The following PDE4A variants were observed in gnomAD, a reference collection of about 807,000 sequenced individuals.
The protein encoded by PDE4A is 3',5'-cyclic-AMP phosphodiesterase 4A.
PDE4A carries 21 observed loss-of-function variants against 73.9 expected under a neutral mutation model. That is an observed-to-expected ratio of 0.28 (90% CI 0.20 to 0.41). The LOEUF (loss-of-function observed/expected upper bound fraction) is 0.41, where lower values mean the gene tolerates loss of function less well. PDE4A is among the 10% of genes least tolerant of loss of function. The pLI, the probability that PDE4A is intolerant of heterozygous loss-of-function variation, is 1.00. For missense variants in PDE4A, 958 were observed against 1,211.4 expected, an observed-to-expected ratio of 0.79 and a Z score of 3.10; for synonymous variants, 463 against 505.4, an observed-to-expected ratio of 0.92 and a Z score of 1.13.
At chr19:10,465,250 CCTT>C (rs2043346285) in intron 14 of PDE4A, among the ~76,000 whole-genome samples, 1 of 148,912 alleles carries the variant, frequency 6.7e-6, no homozygotes, top group African/African-American at 2.5e-5. Flanking sequence ...GACAGAGTTT[CCTT>C]CTTGTCACCC....
chr19:10,457,920 G>A lies in PDE4A; in HGVS notation c.919G>A (p.Glu307Lys), dbSNP rs199600136. The change falls in exon 8 of 15, where the codon GAA becomes AAA. Residue 307 changes from glutamate (E) to lysine (K), a missense_variant. Transcript: ENST00000380702. ...GGAGATCCCATCACCCACGATGAAG[G>A]AACGAGAAAAACAGCAAGCGCCGCG... ...EVEIPSPTMKEREKQQAPRPR... is the reference protein window; with the variant it reads ...EVEIPSPTMKKREKQQAPRPR... The A allele has an allele frequency of 1.7e-5, 28 of 1,612,570 alleles. No homozygotes were observed. The highest frequency in any genetic ancestry group is 2.4e-5 in the Non-Finnish European group (28 of 1,180,022).
At chr19:10,416,833 A>G, upstream of PDE4A, 1 of 1,531,380 alleles carries the variant, frequency 6.5e-7, no homozygotes, top group Non-Finnish European at 8.7e-7. Flanking sequence ...CCCGACCGGC[A>G]GGGGGAGCCC....
At position 10,467,151 on chromosome 19, in the gene PDE4A, C is replaced by T; in HGVS notation, c.2191C>T (p.Gln731Ter). ...ISMAQIPCTA[Q>*]EALTAQGLSG... is the part of the protein sequence containing the mutation. Reference sequence around the variant, plus strand: ...AATGGCCCAGATACCGTGCACAGCCCAAGAGGCATTGACTGCGCAGGGATT... The same window carrying T: ...AATGGCCCAGATACCGTGCACAGCCTAAGAGGCATTGACTGCGCAGGGATT... The change falls in exon 15 of 15, where the codon CAA (glutamine) becomes TAA (stop). Residue 731 changes from glutamine to a stop codon, truncating the protein, a stop_gained. Transcript: ENST00000380702. LOFTEE classifies it low-confidence loss of function (END_TRUNC). 1 of 1,614,160 alleles carries T rather than the reference C, an allele frequency of 6.2e-7. No homozygotes were observed. The highest frequency in any genetic ancestry group is 8.5e-7 in the Non-Finnish European group (1 of 1,180,030).
At chr19:10,444,858 A>C (rs544056378) in intron 1 of PDE4A, among the ~76,000 whole-genome samples, 450 of 152,102 alleles carry the variant, frequency 3.0e-3, no homozygotes, top group Non-Finnish European at 4.4e-3. Flanking sequence ...TTTTTATTAG[A>C]GATGGGGTTT....
At chr19:10,433,338 C>T (rs1015593539) in intron 1 of PDE4A, among the ~76,000 whole-genome samples, 3 of 152,146 alleles carry the variant, frequency 2.0e-5, no homozygotes, top group African/African-American at 7.2e-5. Context: ...ACACTGCGTT[C>T]CTCCACAGTG....
Position 10,453,375 on chromosome 19 carries a change from G to A in PDE4A, c.784-1454G>A. The A allele has an allele frequency of 6.3e-7, 1 of 1,589,704 alleles. No individual in the cohort carries two copies. The highest frequency in any genetic ancestry group is 8.5e-7 in the Non-Finnish European group (1 of 1,171,026). On this transcript the variant is annotated intron_variant, in intron 6 of 14. Transcript: ENST00000380702. This position sits in a 1 kb window ranked among gnomAD's most constrained non-coding sequence, Gnocchi z 4.6. ...GGGTGGGCGGGCATCCTGGTGAGCT[G>A]GGCCCCCGGTGTGGGCTTGTGTGTG...
chr19:10,461,429 G>C, intron 11 of PDE4A, 97 bp from the exon 12 acceptor site: 1 of 1,550,760 alleles, frequency 6.4e-7, no homozygotes, highest in Non-Finnish European at 8.7e-7. Flanking sequence ...AGGCTGGCCG[G>C]GCTGGGGAGG....
intron 13 of PDE4A, among the ~76,000 whole-genome samples, chr19:10,463,395 CTTT>C (rs35214617): frequency 1.4e-4 from 14 of 100,368 alleles, no homozygotes; most frequent in Non-Finnish European, 2.1e-4. Flanking sequence ...CAGCCCCATT[CTTT>C]TTTTTTTTTT....
Position 10,463,888 on chromosome 19 carries a change from C to A in PDE4A, c.1839C>A (p.Phe613Leu). 1 of 1,614,182 alleles carries A rather than the reference C, an allele frequency of 6.2e-7. No individual in the cohort carries two copies. Among genetic ancestry groups the A allele is most frequent in the Non-Finnish European group, 8.5e-7 (1 of 1,180,036 alleles). Residue 613 changes from phenylalanine to leucine, a missense_variant, in exon 14 of 15, where the codon TTC (phenylalanine) becomes TTA (leucine). By Grantham distance (22) the Phe-to-Leu change is conservative. This residue lies in a region of PDE4A where 570 missense variants were observed against 827.7 expected (regional missense o/e 0.69). Coordinates refer to ENST00000380702, the MANE Select transcript of PDE4A (RefSeq NM_001111307.2). ...GGACAGACCGCATCATGGCCGAGTTCTTCCAGCAGGGTGACCGAGAGCGCG... is the reference window on the plus strand; with the variant it reads ...GGACAGACCGCATCATGGCCGAGTTATTCCAGCAGGGTGACCGAGAGCGCG... The part of the protein sequence containing the change: ...RQWTDRIMAE[F>L]FQQGDRERER...
intron 1 of PDE4A, among the ~76,000 whole-genome samples, chr19:10,426,363 G>A (rs908592823): frequency 1.3e-5 from 2 of 152,004 alleles, no homozygotes; most frequent in African/African-American, 4.8e-5. Flanking sequence ...CATTGAATTC[G>A]GCCCAACACA....
chr19:10,416,907 G>C, upstream of PDE4A: 1 of 1,536,762 alleles, frequency 6.5e-7, no homozygotes, highest in South Asian at 1.2e-5. Flanking sequence ...TGCCGACATG[G>C]CCACCGCAGT....
rs748409989 is a variant in PDE4A, at chr19:10,453,443, GTCTC to G, written c.784-1384_784-1381del. On this transcript the variant is annotated intron_variant, in intron 6 of 14. Transcript: ENST00000380702. The surrounding 1 kb of genome is among the most constrained non-coding windows in gnomAD (Gnocchi z 4.6). ...GGCCTGGAGATGAAGCCTTGTGACT[GTCTC>G]TGTGTGTGGCCCAGGGCTGGGCGTG... is the stretch of plus-strand genomic sequence containing the variant. 50 of 1,295,608 alleles carry G rather than the reference GTCTC, an allele frequency of 3.9e-5. No homozygotes were observed. Among genetic ancestry groups the G allele is most frequent in the Non-Finnish European group, 4.2e-6 (4 of 962,844 alleles). 80.3% of individuals were successfully genotyped at this position (1,295,608 alleles called of 1,614,324 possible).
chr19:10,418,390 C>G (rs1051400998), upstream of PDE4A, among the ~76,000 whole-genome samples: 1 of 152,180 alleles, frequency 6.6e-6, no homozygotes, highest in South Asian at 2.1e-4. Context: ...CTCAACCCCC[C>G]TCTTGGCTCA....
upstream of PDE4A, chr19:10,417,662 G>T: frequency 6.3e-7 from 1 of 1,592,772 alleles, no homozygotes. Context: ...CTCCCCAGAG[G>T]TCGAGGGAGA....
chr19:10,449,422 C>T (rs898992505), intron 4 of PDE4A, among the ~76,000 whole-genome samples: 3 of 152,216 alleles, frequency 2.0e-5, no homozygotes, highest in South Asian at 2.1e-4. Flanking sequence ...TGCAGTAGTG[C>T]GATCTTGGCT....
intron 11 of PDE4A, 107 bp downstream of exon 11, chr19:10,461,210 G>T: frequency 7.0e-7 from 1 of 1,428,720 alleles, no homozygotes. Flanking sequence ...GCCTGGGGGC[G>T]GGGCTGGCTG....
At chr19:10,423,864 G>A (rs2078155973) in intron 1 of PDE4A, among the ~76,000 whole-genome samples, 1 of 152,258 alleles carries the variant, frequency 6.6e-6, no homozygotes, top group Non-Finnish European at 1.5e-5. Flanking sequence ...AGCTGGGACT[G>A]ATGGGTGGGC....
upstream of PDE4A, chr19:10,416,828 C>T: frequency 6.5e-7 from 1 of 1,529,684 alleles, no homozygotes; most frequent in Non-Finnish European, 8.7e-7. Context: ...CTAGGCCCGA[C>T]CGGCAGGGGG....
At position 10,460,987 on chromosome 19, in the gene PDE4A, C is replaced by A; in HGVS notation, c.1366-17C>A. On this transcript the variant is annotated splice_polypyrimidine_tract_variant and intron_variant, in intron 10 of 14. Transcript: ENST00000380702. ...GCTTCAACTCTGTTATTCTAACATCCGTGTCTCTGCTCCCAGGCAGTGTTC... is the reference window on the plus strand; with the variant it reads ...GCTTCAACTCTGTTATTCTAACATCAGTGTCTCTGCTCCCAGGCAGTGTTC... 3 of 1,606,680 alleles carry A rather than the reference C, an allele frequency of 1.9e-6. No individual in the cohort carries two copies. The highest frequency in any genetic ancestry group is 2.6e-6 in the Non-Finnish European group (3 of 1,174,560).
Sources: allele counts gnomAD v4.1 joint callset (sites outside exome capture counted in the v4.1 genomes callset), GRCh38; gene constraint gnomAD v4.1.1; regional missense constraint gnomAD v4.1.1; non-coding constraint Gnocchi (gnomAD v3.1); transcripts MANE v1.5; gene names NCBI Gene and HGNC (gene_info 2026-07-23, HGNC 2026-07-21).